The following PRH1 variants were observed in gnomAD, a reference collection of about 807,000 sequenced individuals.
PRH1 encodes proline rich protein HaeIII subfamily 1.
In PRH1, 7 loss-of-function variants were observed where a neutral mutation model predicts 7.9. That is an observed-to-expected ratio of 0.89 (90% CI 0.50 to 1.67). The LOEUF (loss-of-function observed/expected upper bound fraction) is 1.67, where lower values mean the gene tolerates loss of function less well. PRH1 is among the 40% of genes most tolerant of loss of function. PRH1 has a pLI of 0.00. For missense variants in PRH1, 109 were observed against 223.6 expected (o/e 0.49, Z 3.27); for synonymous variants, 45 against 80.8 (o/e 0.56, Z 2.38).
At chr12:11,149,114 T>C (rs1310383114) in intron 1 of PRH1, among the ~76,000 whole-genome samples, 2 of 151,950 alleles carry the variant, frequency 1.3e-5, no homozygotes, top group Non-Finnish European at 2.9e-5. Flanking sequence ...TTTGTATTTC[T>C]GTGGGATCGG....
chr12:10,950,590 A>G (rs182429768), intron 2 of PRH1, among the ~76,000 whole-genome samples: 1 of 151,902 alleles, frequency 6.6e-6, no homozygotes, highest in East Asian at 1.9e-4. Flanking sequence ...TAACTTTTCT[A>G]ATCTTTTTTC....
intron 1 of PRH1, among the ~76,000 whole-genome samples, chr12:11,099,936 A>C (rs1945185949): frequency 6.6e-6 from 1 of 152,188 alleles, no homozygotes; most frequent in Non-Finnish European, 1.5e-5. Flanking sequence ...GGCTAGAAGA[A>C]ATCCTTTGGA....
intron 1 of PRH1, among the ~76,000 whole-genome samples, chr12:11,125,993 T>G (rs984317352): frequency 2.0e-5 from 3 of 152,158 alleles, no homozygotes; most frequent in Non-Finnish European, 4.4e-5. Flanking sequence ...TACAAGAATG[T>G]TTTTTCAGCC....
intron 1 of PRH1, among the ~76,000 whole-genome samples, chr12:11,108,807 C>T (rs915875786): frequency 2.6e-5 from 4 of 152,184 alleles, no homozygotes; most frequent in Admixed American, 2.6e-4. Flanking sequence ...CCTGGAATGC[C>T]AGCAAGACAG....
At chr12:10,972,928 A>ACCCCC (rs199859766) in intron 2 of PRH1, among the ~76,000 whole-genome samples, 19 of 100,378 alleles carry the variant, frequency 1.9e-4, no homozygotes, top group Middle Eastern at 4.5e-3. Flanking sequence ...AAGCACCACA[A>ACCCCC]CCCACCCCCC....
intron 2 of PRH1, chr12:10,894,848 G>C (rs1949621532): frequency 6.6e-6 from 1 of 152,110 alleles, no homozygotes; most frequent in Non-Finnish European, 1.5e-5. Context: ...AACATAATGA[G>C]AAAATAAGAG....
intron 1 of PRH1, among the ~76,000 whole-genome samples, chr12:11,069,146 G>C (rs1249363222): frequency 1.3e-5 from 2 of 149,350 alleles, no homozygotes; most frequent in African/African-American, 4.9e-5. Flanking sequence ...TCCAATAATT[G>C]TGCTCAAGAA....
intron 1 of PRH1, among the ~76,000 whole-genome samples, chr12:11,170,712 G>T (rs534445838): frequency 4.6e-5 from 7 of 152,296 alleles, no homozygotes; most frequent in Non-Finnish European, 1.0e-4. Flanking sequence ...AATTTTGTAT[G>T]TATGTCCTTA....
chr12:10,972,928 A>ATCCCCCC (rs1555119295), intron 2 of PRH1, among the ~76,000 whole-genome samples: 13 of 100,324 alleles, frequency 1.3e-4, no homozygotes, highest in African/African-American at 4.9e-4. Context: ...AAGCACCACA[A>ATCCCCCC]CCCACCCCCC....
intron 1 of PRH1, among the ~76,000 whole-genome samples, chr12:11,064,369 T>G (rs976762493): frequency 6.6e-6 from 1 of 152,060 alleles, no homozygotes; most frequent in East Asian, 1.9e-4. Flanking sequence ...TTCACTTCTC[T>G]ATACTGTTCC....
chr12:11,017,742 G>A (rs1429647277), intron 1 of PRH1, among the ~76,000 whole-genome samples: 3 of 151,852 alleles, frequency 2.0e-5, no homozygotes, highest in Non-Finnish European at 4.4e-5. Flanking sequence ...ATCTGCCTGC[G>A]TTGGTCTCCC....
chr12:10,972,305 A>G (rs149837696), intron 2 of PRH1, among the ~76,000 whole-genome samples: 1,608 of 152,200 alleles, frequency 0.011, 20 homozygotes, highest in Non-Finnish European at 0.016. Context: ...CTGACCTTAA[A>G]CTCTATGTGT....
intron 1 of PRH1, among the ~76,000 whole-genome samples, chr12:11,036,050 C>A (rs778981422): frequency 1.2e-4 from 18 of 152,092 alleles, no homozygotes; most frequent in Admixed American, 7.9e-4. Flanking sequence ...CCTGCCACAA[C>A]GCCTGGCTAA....
chr12:10,992,314 G>A (rs1436853732), intron 1 of PRH1, among the ~76,000 whole-genome samples: 1 of 151,588 alleles, frequency 6.6e-6, no homozygotes, highest in Non-Finnish European at 1.5e-5. Context: ...TTTAAACATG[G>A]GGCCTGAACT....
At chr12:11,135,440 T>C (rs1946521044) in intron 1 of PRH1, among the ~76,000 whole-genome samples, 1 of 152,148 alleles carries the variant, frequency 6.6e-6, no homozygotes, top group African/African-American at 2.4e-5. Flanking sequence ...CCAGACTAAA[T>C]TGGCCAAACT....
chr12:11,042,623 C>CTTTTT lies in PRH1; in HGVS notation c.-126+4392_-126+4396dup, dbSNP rs71051557. 7.8e-4 allele frequency among the ~76,000 whole-genome samples: 62 copies of CTTTTT among 79,296 alleles called. 3 individuals carry two copies. Among genetic ancestry groups the CTTTTT allele is most frequent in the East Asian group, 2.6e-3 (7 of 2,650 alleles). The allele number at this position is 79,296 out of a possible 152,430, so 52.0% of individuals were successfully genotyped here. A position where few individuals can be genotyped will look rare whatever the true frequency, so the allele number is the denominator to read the frequency against. On this transcript the variant is annotated intron_variant, in intron 1 of 3. Coordinates refer to the PRH1 transcript ENST00000539853. ...AAGAGGGACTACTTCCAGGCTCATT[C>CTTTTT]TTTTTTTTTTTTTTTTTTTTTTTTG...
Position 11,090,294 on chromosome 12 carries a change from C to T in PRH1, n.124-43106G>A, listed in dbSNP as rs1311180677. ...TGAAATATTTTCCACAATTTCTATA[C>T]TATATTTACATTGATTTTATTTTTC... On this transcript the variant is annotated intron_variant and non_coding_transcript_variant, in intron 1 of 4. Transcript: ENST00000541977. 4.3e-5 allele frequency among the ~76,000 whole-genome samples: 5 copies of T among 115,132 alleles called. 2 individuals carry two copies. The highest frequency in any genetic ancestry group is 1.0e-4 in the Non-Finnish European group (5 of 48,766). The allele number at this position is 115,132 out of a possible 152,430, so 75.5% of individuals were successfully genotyped here.
At chr12:11,032,477 A>G (rs1942268683) in intron 1 of PRH1, among the ~76,000 whole-genome samples, 1 of 152,176 alleles carries the variant, frequency 6.6e-6, no homozygotes, top group Non-Finnish European at 1.5e-5. Flanking sequence ...TTCATTATTC[A>G]CAAACTCATA....
chr12:10,941,586 A>T (rs3851588), intron 2 of PRH1, among the ~76,000 whole-genome samples: 35,729 of 131,324 alleles, frequency 0.27, 4,377 homozygotes, highest in Admixed American at 0.3. Flanking sequence ...TTTATTATTT[A>T]TTATTAAAAT....
Sources: allele counts gnomAD v4.1 joint callset (sites outside exome capture counted in the v4.1 genomes callset), GRCh38; gene constraint gnomAD v4.1.1; transcripts MANE v1.5; gene names NCBI Gene and HGNC (gene_info 2026-07-23, HGNC 2026-07-21).